ACCSL: variants seen among roughly 807,000 people sequenced by gnomAD.
ACCSL encodes 1-aminocyclopropane-1-carboxylate synthase homolog (inactive) like, also known as probable inactive 1-aminocyclopropane-1-carboxylate synthase-like protein 2.
In ACCSL, 55 loss-of-function variants were observed where a neutral mutation model predicts 61.7. The ratio of observed to expected loss-of-function variants is 0.89; its 90% CI spans 0.72 to 1.12. ACCSL has a LOEUF of 1.12. ACCSL is among the 50% of genes most tolerant of loss of function. The pLI is 0.00. For missense variants in ACCSL, 632 were observed against 698.0 expected, an observed-to-expected ratio of 0.91 and a Z score of 1.07; for synonymous variants, 258 against 264.3, an observed-to-expected ratio of 0.98 and a Z score of 0.23.
the ACCSL span, among the ~76,000 whole-genome samples, chr11:43,967,164 C>CT: frequency 1.5e-5 from 1 of 68,886 alleles, no homozygotes; most frequent in African/African-American, 6.0e-5. Context: ...TCTTCTTCTT[C>CT]TTCTTTTTTT....
chr11:43,947,293 G>A, the ACCSL span: 4 of 152,298 alleles, frequency 2.6e-5, no homozygotes, highest in Admixed American at 1.3e-4. Flanking sequence ...TGACCCAAAC[G>A]CTTCTGACCA....
the ACCSL span, among the ~76,000 whole-genome samples, chr11:43,947,785 G>A: frequency 4.0e-5 from 6 of 151,158 alleles, no homozygotes; most frequent in Non-Finnish European, 7.4e-5. Flanking sequence ...GAGACCCACA[G>A]GGGTAGGAAG....
At chr11:43,993,565 A>G in the ACCSL span, among the ~76,000 whole-genome samples, 2 of 152,190 alleles carry the variant, frequency 1.3e-5, no homozygotes, top group African/African-American at 4.8e-5. Context: ...GCAGTTTGAA[A>G]GGGATCTTTG....
the ACCSL span, among the ~76,000 whole-genome samples, chr11:43,952,495 C>T: frequency 1.3e-5 from 2 of 152,216 alleles, no homozygotes; most frequent in African/African-American, 4.8e-5. Context: ...GTCCCCTGAC[C>T]TAACCAGTTA....
chr11:44,005,109 T>G, the ACCSL span, among the ~76,000 whole-genome samples: 1 of 119,484 alleles, frequency 8.4e-6, no homozygotes. Context: ...CCCGGCAAGC[T>G]CACCCCCACC....
At chr11:44,013,643 G>T in the ACCSL span, among the ~76,000 whole-genome samples, 9 of 152,102 alleles carry the variant, frequency 5.9e-5, no homozygotes, top group African/African-American at 2.2e-4. Context: ...TGGAGTGAAG[G>T]GTATGAAAAT....
At chr11:44,010,806 G>A in the ACCSL span, among the ~76,000 whole-genome samples, 2 of 152,216 alleles carry the variant, frequency 1.3e-5, no homozygotes, top group African/African-American at 2.4e-5. Context: ...GGAAGCAGGA[G>A]CAACAAGTGT....
In ACCSL at chr11:44,058,545, G is replaced by A; in HGVS notation, c.1471-1G>A. ...CAGTTCTGTTCCTCTGCCCTCCCTAGTACCTGGATCCCTGTACATTTGAAG... is the reference window on the plus strand; with the variant it reads ...CAGTTCTGTTCCTCTGCCCTCCCTAATACCTGGATCCCTGTACATTTGAAG... On this transcript the variant is annotated splice_acceptor_variant, in intron 12 of 13. Transcript: ENST00000378832. LOFTEE classifies it high-confidence loss of function. 6.2e-7 allele frequency: 1 copy of A among 1,613,964 alleles called. No individual in the cohort carries two copies. Among genetic ancestry groups the A allele is most frequent in the Non-Finnish European group, 8.5e-7 (1 of 1,179,928 alleles).
the ACCSL span, among the ~76,000 whole-genome samples, chr11:43,977,402 C>T: frequency 1.3e-5 from 2 of 151,402 alleles, no homozygotes; most frequent in Admixed American, 6.6e-5. Context: ...AGAGTGAGAA[C>T]CAAAGAGATG....
At chr11:43,968,422 ACCTTT>A in the ACCSL span, among the ~76,000 whole-genome samples, 1 of 151,130 alleles carries the variant, frequency 6.6e-6, no homozygotes, top group African/African-American at 2.4e-5. Context: ...TTTGTGTGAA[ACCTTT>A]GCTTTTGCCC....
chr11:43,926,984 C>T, the ACCSL span, among the ~76,000 whole-genome samples: 2 of 152,226 alleles, frequency 1.3e-5, no homozygotes, highest in Admixed American at 6.5e-5. Flanking sequence ...TGGGCTCAAG[C>T]GATCCGCCCC....
chr11:43,981,448 G>T, the ACCSL span, among the ~76,000 whole-genome samples: 1 of 152,178 alleles, frequency 6.6e-6, no homozygotes, highest in Non-Finnish European at 1.5e-5. Context: ...GAGGGACACA[G>T]ACAGGATTTA....
the ACCSL span, among the ~76,000 whole-genome samples, chr11:43,936,132 C>G: frequency 6.6e-6 from 1 of 152,194 alleles, no homozygotes; most frequent in Non-Finnish European, 1.5e-5. Flanking sequence ...GCCAAGGTCC[C>G]CGAGGGCCAC....
At chr11:43,962,615 T>C in the ACCSL span, among the ~76,000 whole-genome samples, 1 of 152,258 alleles carries the variant, frequency 6.6e-6, no homozygotes, top group Admixed American at 6.5e-5. Context: ...CTAAGGGCAT[T>C]GCTTCTCTTT....
chr11:44,012,096 C>T, the ACCSL span, among the ~76,000 whole-genome samples: 1 of 151,982 alleles, frequency 6.6e-6, no homozygotes, highest in Non-Finnish European at 1.5e-5. Context: ...CTGGATGATC[C>T]TCTGGACTCC....
the ACCSL span, among the ~76,000 whole-genome samples, chr11:43,957,973 A>G: frequency 6.6e-6 from 1 of 152,254 alleles, no homozygotes; most frequent in Non-Finnish European, 1.5e-5. Flanking sequence ...AGTAAAAGAT[A>G]TCAGACCTAA....
At chr11:43,993,857 C>T in the ACCSL span, among the ~76,000 whole-genome samples, 12 of 152,290 alleles carry the variant, frequency 7.9e-5, no homozygotes, top group East Asian at 1.9e-4. Flanking sequence ...GGGCGGTGAA[C>T]GGGCATTTAG....
At chr11:44,034,191 A>C in the ACCSL span, among the ~76,000 whole-genome samples, 4 of 152,088 alleles carry the variant, frequency 2.6e-5, no homozygotes, top group African/African-American at 4.8e-5. Context: ...GTGGGGGTCC[A>C]CCCACACCCC....
At chr11:44,047,867 TG>T, upstream of ACCSL, 1 of 825,928 alleles carries the variant, frequency 1.2e-6, no homozygotes, top group Non-Finnish European at 1.8e-6. Flanking sequence ...TGAACCAATC[TG>T]GTCATATAAC....
Sources: allele counts gnomAD v4.1 joint callset (sites outside exome capture counted in the v4.1 genomes callset), GRCh38; gene constraint gnomAD v4.1.1; transcripts MANE v1.5; gene names NCBI Gene and HGNC (gene_info 2026-07-23, HGNC 2026-07-21).